Variants in KCND2 observed in about 807,000 individuals in gnomAD.
KCND2 encodes potassium voltage-gated channel subfamily D member 2.
KCND2 carries 16 observed loss-of-function variants against 54.4 expected under a neutral mutation model. The observed-to-expected ratio is 0.29, with a 90% confidence interval of 0.20 to 0.45. KCND2 has a LOEUF of 0.45. Ranked by LOEUF, KCND2 falls within the 20% of genes least tolerant of loss-of-function variation. The pLI is 1.00. For missense variants in KCND2, 486 were observed against 824.2 expected (o/e 0.59, Z 5.02); for synonymous variants, 317 against 310.7 (o/e 1.02, Z -0.21).
chr7:120,667,852 G>T (rs1258015013), intron 1 of KCND2, among the ~76,000 whole-genome samples: 1 of 151,892 alleles, frequency 6.6e-6, no homozygotes, highest in African/African-American at 2.4e-5. Flanking sequence ...CTGATCTCAG[G>T]TTTTTTTCCC....
intron 1 of KCND2, among the ~76,000 whole-genome samples, chr7:120,731,362 C>T (rs1344126899): frequency 6.6e-6 from 1 of 152,198 alleles, no homozygotes; most frequent in East Asian, 1.9e-4. Flanking sequence ...AATAAGACTA[C>T]TGTGAATTAG....
intron 1 of KCND2, among the ~76,000 whole-genome samples, chr7:120,632,578 T>C (rs1363192647): frequency 2.0e-5 from 3 of 152,182 alleles, no homozygotes; most frequent in Non-Finnish European, 4.4e-5. Context: ...AAACTTATAC[T>C]TGGACAAAAT....
chr7:120,281,248 A>C (rs1799256809), intron 1 of KCND2, among the ~76,000 whole-genome samples: 1 of 152,104 alleles, frequency 6.6e-6, no homozygotes, highest in African/African-American at 2.4e-5. Flanking sequence ...AAGTTGTGAT[A>C]ATGAATTCAT....
intron 1 of KCND2, among the ~76,000 whole-genome samples, chr7:120,598,438 T>C (rs1301342749): frequency 6.6e-6 from 1 of 152,232 alleles, no homozygotes; most frequent in East Asian, 1.9e-4. Flanking sequence ...TTGATAATGG[T>C]ATATTTCATT....
chr7:120,683,969 CTCTTT>C (rs1252455884), intron 1 of KCND2, among the ~76,000 whole-genome samples: 7 of 152,098 alleles, frequency 4.6e-5, no homozygotes, highest in Non-Finnish European at 8.8e-5. Flanking sequence ...CTTGTTCTTT[CTCTTT>C]TCTTTTCTTT....
chr7:120,295,383 C>G (rs1042755757), intron 1 of KCND2, among the ~76,000 whole-genome samples: 1 of 137,732 alleles, frequency 7.3e-6, no homozygotes, highest in African/African-American at 3.2e-5. Context: ...CACACACACA[C>G]ACACACACAG....
intron 1 of KCND2, among the ~76,000 whole-genome samples, chr7:120,544,269 GC>G (rs1192230954): frequency 1.3e-5 from 2 of 151,894 alleles, no homozygotes; most frequent in Non-Finnish European, 2.9e-5. Flanking sequence ...GGTAATTACA[GC>G]TGAGAGGATT....
intron 1 of KCND2, among the ~76,000 whole-genome samples, chr7:120,379,584 G>A (rs1016378642): frequency 2.0e-5 from 3 of 151,956 alleles, no homozygotes; most frequent in Non-Finnish European, 2.9e-5. Flanking sequence ...ACTTATTTAT[G>A]TCTGTGGCCC....
At chr7:120,566,322 G>A (rs1026100275) in intron 1 of KCND2, among the ~76,000 whole-genome samples, 2 of 151,946 alleles carry the variant, frequency 1.3e-5, no homozygotes, top group African/African-American at 4.8e-5. Flanking sequence ...CTTTTTGTGT[G>A]TGTGCGCATG....
chr7:120,692,687 A>T (rs1792284505), intron 1 of KCND2, among the ~76,000 whole-genome samples: 1 of 151,900 alleles, frequency 6.6e-6, no homozygotes. Flanking sequence ...GGGACTGCTG[A>T]CTCCTGTCAC....
chr7:120,632,386 A>G (rs1793244514), intron 1 of KCND2, among the ~76,000 whole-genome samples: 1 of 152,214 alleles, frequency 6.6e-6, no homozygotes, highest in African/African-American at 2.4e-5. Context: ...ATGAATTTTC[A>G]AAGCCAGAGA....
chr7:120,616,341 C>T (rs1320082344), intron 1 of KCND2, among the ~76,000 whole-genome samples: 1 of 152,160 alleles, frequency 6.6e-6, no homozygotes, highest in African/African-American at 2.4e-5. Flanking sequence ...TGAGGTAACA[C>T]ATATAAAGGT....
chr7:120,597,672 G>A (rs1034125548), intron 1 of KCND2, among the ~76,000 whole-genome samples: 3 of 152,170 alleles, frequency 2.0e-5, no homozygotes, highest in African/African-American at 7.2e-5. Flanking sequence ...TAACAAAGAT[G>A]TGGGAAACAT....
intron 1 of KCND2, among the ~76,000 whole-genome samples, chr7:120,496,780 C>A (rs534536325): frequency 6.6e-6 from 1 of 152,194 alleles, no homozygotes; most frequent in East Asian, 1.9e-4. Flanking sequence ...TTTTCCAAAT[C>A]TCTGTTGTAC....
intron 2 of KCND2, 67 bp from the exon 3 acceptor site, chr7:120,741,467 G>T (rs577148321): frequency 1.4e-5 from 15 of 1,036,434 alleles, no homozygotes; most frequent in African/African-American, 1.4e-4. Context: ...ATTATACAAG[G>T]GTTCATTCAC....
At chr7:120,658,537 T>A (rs1386016689) in intron 1 of KCND2, among the ~76,000 whole-genome samples, 6 of 152,184 alleles carry the variant, frequency 3.9e-5, no homozygotes, top group Admixed American at 3.9e-4. Flanking sequence ...CTCCCTTCAT[T>A]AGACCAGTTT....
intron 2 of KCND2, among the ~76,000 whole-genome samples, chr7:120,734,553 A>G (rs146612566): frequency 2.0e-5 from 3 of 152,252 alleles, no homozygotes; most frequent in African/African-American, 7.2e-5. Flanking sequence ...AGTGCCTCTC[A>G]GAAAAGCTAT....
rs531245682 is a variant in KCND2 at position 120,345,624 on chromosome 7, G to T, written c.1115+69877G>T. 5.5e-4 allele frequency among the ~76,000 whole-genome samples: 84 copies of T among 152,214 alleles called. 2 individuals are homozygous for T. The highest frequency in any genetic ancestry group is 1.6e-3 in the African/African-American group (67 of 41,530). ...ATTTGACTAGGTCTCTCATACAAGT[G>T]GACTAGCTTATTTCACTTAGTATAA... On this transcript the variant is annotated intron_variant, in intron 1 of 5. Transcript: ENST00000331113.
intron 1 of KCND2, among the ~76,000 whole-genome samples, chr7:120,620,364 A>C (rs1037100886): frequency 1.3e-5 from 2 of 152,186 alleles, no homozygotes; most frequent in Non-Finnish European, 2.9e-5. Context: ...AACCATGTTT[A>C]TCTTGTTCAC....
Sources: allele counts gnomAD v4.1 joint callset (sites outside exome capture counted in the v4.1 genomes callset), GRCh38; gene constraint gnomAD v4.1.1; transcripts MANE v1.5; gene names NCBI Gene and HGNC (gene_info 2026-07-23, HGNC 2026-07-21).